CDH18: variants seen among roughly 807,000 people sequenced by gnomAD.
CDH18 encodes cadherin-18.
A neutral mutation model predicts 67.9 loss-of-function variants in CDH18; 31 were observed. The ratio of observed to expected loss-of-function variants is 0.46; its 90% CI spans 0.34 to 0.62. The LOEUF is 0.62. CDH18 is among the 20% of genes least tolerant of loss of function. The probability of loss-of-function intolerance (pLI) is 0.01; values close to 1 mark genes in which losing one functional copy is unlikely to be tolerated. For synonymous variants in CDH18, 362 were observed against 347.2 expected (o/e 1.04, Z -0.48); for missense variants, 890 against 975.5 (o/e 0.91, Z 1.17).
chr5:20,042,901 G>T (rs915989517), intron 2 of CDH18, among the ~76,000 whole-genome samples: 4 of 151,974 alleles, frequency 2.6e-5, no homozygotes, highest in Non-Finnish European at 5.9e-5. Context: ...GGCAGAGCTT[G>T]CAGTGAGCCA....
intron 1 of CDH18, among the ~76,000 whole-genome samples, chr5:20,495,534 T>G (rs1753854220): frequency 1.3e-5 from 2 of 152,168 alleles, no homozygotes; most frequent in South Asian, 2.1e-4. Context: ...CTTTTATTTT[T>G]CTCTATTTCC....
rs1580641422 is a variant in CDH18 at position 20,274,953 on chromosome 5, G to T, written c.-579-19448C>A. Among the ~76,000 whole-genome samples the T allele has an allele frequency of 2.6e-5, 4 of 152,012 alleles. No homozygotes were observed. The East Asian group carries it at 5.8e-4, about 22-fold the overall frequency. Reference sequence around the variant, plus strand: ...AAAACCTCTGACCATGAATCATTTTGCCTTGACATGCTTGTTACCCTTTCC... The same window carrying T: ...AAAACCTCTGACCATGAATCATTTTTCCTTGACATGCTTGTTACCCTTTCC... On this transcript the variant is annotated intron_variant, in intron 1 of 14. Transcript: ENST00000507958.
chr5:20,270,575 A>C lies in CDH18; in HGVS notation c.-579-15070T>G, dbSNP rs571381989. 5.9e-5 allele frequency among the ~76,000 whole-genome samples: 9 copies of C among 152,228 alleles called. No individual in the cohort carries two copies. The South Asian group carries it at 1.9e-3, about 32-fold the overall frequency. ...TCAACCATTGTGGAAGAGAGTGTGGAGATTCCTCAAAGACCTAAAAACAAA... is the reference window on the plus strand; with the variant it reads ...TCAACCATTGTGGAAGAGAGTGTGGCGATTCCTCAAAGACCTAAAAACAAA... On this transcript the variant is annotated intron_variant, in intron 1 of 14. Transcript: ENST00000507958.
At chr5:19,994,870 A>AGAGAGG (rs1439772771) in intron 2 of CDH18, among the ~76,000 whole-genome samples, 3 of 139,278 alleles carry the variant, frequency 2.2e-5, no homozygotes, top group Non-Finnish European at 4.6e-5. Context: ...AGAGAGAGAG[A>AGAGAGG]GAGAGAGATG....
intron 2 of CDH18, among the ~76,000 whole-genome samples, chr5:19,929,671 C>G (rs1793465566): frequency 6.6e-6 from 1 of 151,938 alleles, no homozygotes; most frequent in Admixed American, 6.6e-5. Flanking sequence ...ATGTGACTTG[C>G]AAGGACTTTA....
At chr5:19,908,879 T>C (rs1431206097) in intron 2 of CDH18, among the ~76,000 whole-genome samples, 13 of 152,304 alleles carry the variant, frequency 8.5e-5, no homozygotes, top group Non-Finnish European at 1.8e-4. Context: ...AAAATATTAA[T>C]GTCTGTTTAT....
chr5:20,350,613 T>C (rs879554485), intron 1 of CDH18, among the ~76,000 whole-genome samples: 21 of 152,142 alleles, frequency 1.4e-4, no homozygotes, highest in African/African-American at 3.6e-4. Context: ...GAATTTCTCA[T>C]GCATTGATGA....
At chr5:20,158,623 AT>A in intron 2 of CDH18, 1 of 161,326 alleles carries the variant, frequency 6.2e-6, no homozygotes. Context: ...TTTCATACTA[AT>A]TTTTAGAAAT....
intron 5 of CDH18, among the ~76,000 whole-genome samples, chr5:19,704,145 T>C (rs1403098529): frequency 6.6e-6 from 1 of 152,088 alleles, no homozygotes; most frequent in Non-Finnish European, 1.5e-5. Flanking sequence ...GCTTATTGGG[T>C]GAATCAAATT....
chr5:20,506,962 G>C (rs1754698509), intron 1 of CDH18, among the ~76,000 whole-genome samples: 1 of 152,128 alleles, frequency 6.6e-6, no homozygotes, highest in South Asian at 2.1e-4. Context: ...GAAAAGATAG[G>C]CATCTTCTGA....
At position 19,871,839 on chromosome 5, in the gene CDH18, T is replaced by G. The variant is rs528047486; in HGVS notation, c.-256-32597A>C. Among the ~76,000 whole-genome samples the G allele has an allele frequency of 7.2e-5, 11 of 152,292 alleles. No individual in the cohort carries two copies. The South Asian group carries it at 2.3e-3, about 32-fold the overall frequency. ...TGTTCCTTTGGCAAGAACACAGCAATTATAGCCATGAAGCTTGTGTGGACC... is the reference window on the plus strand; with the variant it reads ...TGTTCCTTTGGCAAGAACACAGCAAGTATAGCCATGAAGCTTGTGTGGACC... On this transcript the variant is annotated intron_variant, in intron 2 of 12. Coordinates refer to ENST00000382275, the MANE Select transcript of CDH18 (RefSeq NM_004934.5).
At position 20,552,177 on chromosome 5, in the gene CDH18, T is replaced by TA. The variant is rs536817145; in HGVS notation, c.-580+23284dup. On this transcript the variant is annotated intron_variant, in intron 1 of 14. Coordinates refer to the CDH18 transcript ENST00000507958. ...ATGTGTGCAGAATTTTTGGTTTCAT[T>TA]AAAAAAAAAAAGCATTCAGGTGGGC... 1.3e-3 allele frequency among the ~76,000 whole-genome samples: 183 copies of TA among 144,308 alleles called. 1 individual carries two copies. Among genetic ancestry groups the TA allele is most frequent in the African/African-American group, 2.4e-3 (93 of 39,516 alleles). 94.7% of individuals were successfully genotyped at this position (144,308 alleles called of 152,430 possible).
chr5:19,634,392 G>A (rs10941394), intron 5 of CDH18, among the ~76,000 whole-genome samples: 4 of 151,906 alleles, frequency 2.6e-5, no homozygotes, highest in Admixed American at 6.6e-5. Context: ...ACTCTATGGC[G>A]TTATGGAAAT....
chr5:19,542,260 T>C (rs1750397022), intron 9 of CDH18, among the ~76,000 whole-genome samples: 1 of 151,980 alleles, frequency 6.6e-6, no homozygotes, highest in Admixed American at 6.6e-5. Flanking sequence ...ATGGCTATAA[T>C]AAAAAGACAT....
At chr5:19,888,413 T>C (rs1788453314) in intron 2 of CDH18, among the ~76,000 whole-genome samples, 1 of 152,140 alleles carries the variant, frequency 6.6e-6, no homozygotes. Context: ...TGTATGTGTG[T>C]AAGTCTTAGA....
chr5:20,354,114 A>T (rs1348076801), intron 1 of CDH18, among the ~76,000 whole-genome samples: 5 of 152,178 alleles, frequency 3.3e-5, no homozygotes, highest in African/African-American at 2.4e-5. Context: ...TTCAGAAATT[A>T]TTTTTTTGAT....
chr5:20,075,068 T>C (rs146406870), intron 2 of CDH18, among the ~76,000 whole-genome samples: 395 of 152,292 alleles, frequency 2.6e-3, no homozygotes, highest in Non-Finnish European at 4.5e-3. Context: ...AGAGAGTGCA[T>C]AACCACTGAC....
intron 1 of CDH18, among the ~76,000 whole-genome samples, chr5:20,372,794 G>A (rs969128780): frequency 2.0e-5 from 3 of 151,996 alleles, no homozygotes; most frequent in Non-Finnish European, 2.9e-5. Context: ...GATTTTTAGT[G>A]TTATCCACCA....
rs1043337402 is a variant in CDH18, at chr5:19,818,973, G to A, written c.228+19786C>T. 1.2e-4 allele frequency among the ~76,000 whole-genome samples: 18 copies of A among 151,722 alleles called. 1 individual carries two copies. Among genetic ancestry groups the A allele is most frequent in the African/African-American group, 7.3e-5 (3 of 41,320 alleles). On this transcript the variant is annotated intron_variant, in intron 3 of 12. Coordinates refer to ENST00000382275, the MANE Select transcript of CDH18 (RefSeq NM_004934.5). ...TCAGATCTATGAGATATATCCCTCCGCTAGTTTGGATACTTGAACTCTAAT... is the reference window on the plus strand; with the variant it reads ...TCAGATCTATGAGATATATCCCTCCACTAGTTTGGATACTTGAACTCTAAT...
Sources: gnomAD v4.1 joint callset for allele counts (sites outside exome capture counted in the v4.1 genomes callset) on GRCh38, gnomAD v4.1.1 for gene constraint, MANE v1.5 for transcripts, NCBI Gene and HGNC (gene_info 2026-07-23, HGNC 2026-07-21) for gene names.